Variants in NBAS observed in about 807,000 individuals in gnomAD.
The protein encoded by NBAS is NAG/BC035112 fusion.
NBAS carries 219 observed loss-of-function variants against 302.5 expected under a neutral mutation model. That is an observed-to-expected ratio of 0.72 (90% CI 0.65 to 0.81). The LOEUF (loss-of-function observed/expected upper bound fraction) is 0.81. Ranked by LOEUF, NBAS falls within the 30% of genes least tolerant of loss-of-function variation. The pLI, the probability that NBAS is intolerant of heterozygous loss-of-function variation, is 0.00. For synonymous variants in NBAS, 1,118 were observed against 1,021.6 expected, an observed-to-expected ratio of 1.09 and a Z score of -1.80; for missense variants, 2,932 against 2,841.6, an observed-to-expected ratio of 1.03 and a Z score of -0.72.
At chr2:15,406,331 C>G (rs1676414614) in intron 25 of NBAS, among the ~76,000 whole-genome samples, 1 of 151,974 alleles carries the variant, frequency 6.6e-6, no homozygotes, top group African/African-American at 2.4e-5. Flanking sequence ...TAATGGTAAA[C>G]TTTTTAATAA....
chr2:15,419,303 T>A (rs1360037081), intron 23 of NBAS, among the ~76,000 whole-genome samples: 1 of 151,184 alleles, frequency 6.6e-6, no homozygotes, highest in Non-Finnish European at 1.5e-5. Flanking sequence ...TCTCATCTAA[T>A]CCACAGCAGA....
chr2:15,170,074 T>C (rs2125100310), intron 51 of NBAS, among the ~76,000 whole-genome samples: 1 of 152,348 alleles, frequency 6.6e-6, no homozygotes, highest in South Asian at 2.1e-4. Flanking sequence ...ATACGTCTTC[T>C]AGGCTGGGAC....
At chr2:14,963,904 G>C in the NBAS span, among the ~76,000 whole-genome samples, 1 of 152,176 alleles carries the variant, frequency 6.6e-6, no homozygotes, top group Non-Finnish European at 1.5e-5. Context: ...AGCCAGGCTG[G>C]AACATCTCAT....
At position 15,497,585 on chromosome 2, in the gene NBAS, T is replaced by C. The variant is rs118001862; in HGVS notation, c.954+6560A>G. 2.1e-4 allele frequency among the ~76,000 whole-genome samples: 32 copies of C among 152,222 alleles called. 2 individuals are homozygous for C. In the East Asian group the frequency reaches 2.7e-3, roughly 13 times the overall value. On this transcript the variant is annotated intron_variant, in intron 11 of 51. Coordinates refer to ENST00000281513, the MANE Select transcript of NBAS (RefSeq NM_015909.4). ...AAAATGAGAAGCTATCAGAGTTTTG[T>C]TTTGGAAATGTTTGATTTAAAATGC...
chr2:15,005,707 A>C, the NBAS span, among the ~76,000 whole-genome samples: 1 of 152,210 alleles, frequency 6.6e-6, no homozygotes, highest in Non-Finnish European at 1.5e-5. Flanking sequence ...GAATTTAAGA[A>C]AACATGTGAC....
At chr2:15,170,283 G>C (rs1046197579) in intron 51 of NBAS, among the ~76,000 whole-genome samples, 6 of 152,178 alleles carry the variant, frequency 3.9e-5, no homozygotes, top group African/African-American at 1.4e-4. Context: ...GTTTCTGGCT[G>C]GATATACCCA....
At chr2:15,096,667 C>T in the NBAS span, among the ~76,000 whole-genome samples, 1 of 152,102 alleles carries the variant, frequency 6.6e-6, no homozygotes, top group Non-Finnish European at 1.5e-5. Flanking sequence ...TTACCAAGCA[C>T]CTATGACACC....
the NBAS span, among the ~76,000 whole-genome samples, chr2:14,907,394 G>T: frequency 6.6e-6 from 1 of 152,208 alleles, no homozygotes; most frequent in African/African-American, 2.4e-5. Flanking sequence ...ACAGCACAGG[G>T]CTTCTTTCTA....
rs1479134035 is a variant in NBAS, at chr2:15,268,385, G to A, written c.5724+7099C>T. Among the ~76,000 whole-genome samples, 2 of 152,216 alleles carry A rather than the reference G, an allele frequency of 1.3e-5. 1 individual carries two copies. Among genetic ancestry groups the A allele is most frequent in the Admixed American group, 1.3e-4 (2 of 15,280 alleles). On this transcript the variant is annotated intron_variant, in intron 44 of 51. Coordinates refer to ENST00000281513, the MANE Select transcript of NBAS (RefSeq NM_015909.4). The stretch of plus-strand genomic sequence containing the variant: ...CTGAGAGTGACTAGCCTGAGTTGAT[G>A]TGTGCTGAAATACACACTGCATTTC...
the NBAS span, among the ~76,000 whole-genome samples, chr2:14,976,333 C>T: frequency 6.6e-6 from 1 of 152,180 alleles, no homozygotes; most frequent in Non-Finnish European, 1.5e-5. Flanking sequence ...GAGGGAGCAG[C>T]ACAGGGAAAG....
At chr2:15,151,356 A>T in the NBAS span, among the ~76,000 whole-genome samples, 41 of 152,234 alleles carry the variant, frequency 2.7e-4, no homozygotes, top group Non-Finnish European at 5.3e-4. Context: ...ATTCACAAGC[A>T]GGCACAAACC....
the NBAS span, among the ~76,000 whole-genome samples, chr2:14,933,671 G>C: frequency 0.11 from 16,450 of 152,118 alleles, 969 homozygotes; most frequent in African/African-American, 0.15. Flanking sequence ...GTTCCCTGAA[G>C]GATGTCCAAG....
intron 50 of NBAS, among the ~76,000 whole-genome samples, chr2:15,183,549 A>C (rs1664928583): frequency 6.6e-6 from 1 of 152,214 alleles, no homozygotes; most frequent in South Asian, 2.1e-4. Context: ...GCCTCAGCTC[A>C]TTCTCCTTAG....
chr2:15,276,697 G>A (rs1000734662), intron 43 of NBAS, among the ~76,000 whole-genome samples, 154 bp downstream of exon 43: 1 of 152,184 alleles, frequency 6.6e-6, no homozygotes, highest in Non-Finnish European at 1.5e-5. Context: ...ATAAGTGAAA[G>A]AGTTGGAAAG....
At chr2:15,059,453 C>T in the NBAS span, among the ~76,000 whole-genome samples, 3 of 152,220 alleles carry the variant, frequency 2.0e-5, no homozygotes, top group Middle Eastern at 6.8e-3. Context: ...CTCATAGAGC[C>T]AACCCATACT....
the NBAS span, among the ~76,000 whole-genome samples, chr2:14,989,839 T>C: frequency 1.3e-5 from 2 of 152,162 alleles, 1 homozygote; most frequent in South Asian, 4.1e-4. Flanking sequence ...CAGTATTACA[T>C]GGCCACTAAA....
chr2:15,155,508 G>A, the NBAS span, among the ~76,000 whole-genome samples: 1 of 152,166 alleles, frequency 6.6e-6, no homozygotes, highest in African/African-American at 2.4e-5. Context: ...TGCAGCTGAA[G>A]ACACCTCTCT....
chr2:14,921,561 C>T, the NBAS span, among the ~76,000 whole-genome samples: 2 of 152,202 alleles, frequency 1.3e-5, no homozygotes, highest in African/African-American at 4.8e-5. Context: ...CACCTGGGAG[C>T]TTAACTGTTG....
At chr2:15,098,968 T>TATATATACACACACACACAC in the NBAS span, among the ~76,000 whole-genome samples, 2 of 151,428 alleles carry the variant, frequency 1.3e-5, no homozygotes, top group Non-Finnish European at 2.9e-5. Flanking sequence ...CACACACATA[T>TATATATACACACACACACAC]ATATATACAC....
Sources: gnomAD v4.1 joint callset for allele counts (sites outside exome capture counted in the v4.1 genomes callset) on GRCh38, gnomAD v4.1.1 for gene constraint, MANE v1.5 for transcripts, NCBI Gene and HGNC (gene_info 2026-07-23, HGNC 2026-07-21) for gene names.